WDR89: variants seen among roughly 807,000 people sequenced by gnomAD.
The protein encoded by WDR89 is WD repeat domain 89.
In WDR89, 17 loss-of-function variants were observed where a neutral mutation model predicts 29.1. That is an observed-to-expected ratio of 0.58 (90% CI 0.40 to 0.88). WDR89 has a LOEUF of 0.88. WDR89 is among the 40% of genes least tolerant of loss of function. The pLI, the probability that WDR89 is intolerant of heterozygous loss-of-function variation, is 0.00. For missense variants in WDR89, 396 were observed against 456.3 expected (o/e 0.87, Z 1.20); for synonymous variants, 138 against 157.8 (o/e 0.87, Z 0.94).
chr14:63,632,127 C>A lies in WDR89; in HGVS notation c.-137-7094G>T, dbSNP rs1477679381. On this transcript the variant is annotated intron_variant, in intron 1 of 2. Coordinates refer to ENST00000620954, the MANE Select transcript of WDR89 (RefSeq NM_080666.4). Reference sequence around the variant, plus strand: ...ACTCTGCCTCAAAAAAACAAACAAACAAAAAAAAAACTAAAAACAAAAAAA... The same window carrying A: ...ACTCTGCCTCAAAAAAACAAACAAAAAAAAAAAAAACTAAAAACAAAAAAA... Among the ~76,000 whole-genome samples, 329 of 139,204 alleles carry A rather than the reference C, an allele frequency of 2.4e-3. 1 individual carries two copies. Among genetic ancestry groups the A allele is most frequent in the African/African-American group, 2.8e-3 (105 of 37,850 alleles). 91.3% of individuals were successfully genotyped at this position (139,204 alleles called of 152,430 possible).
chr14:63,605,109 AC>A (rs1010016476), intron 2 of WDR89, among the ~76,000 whole-genome samples: 6 of 151,742 alleles, frequency 4.0e-5, no homozygotes, highest in African/African-American at 1.5e-4. Flanking sequence ...TGATTGCACC[AC>A]TGCACTTCAG....
intron 1 of WDR89, among the ~76,000 whole-genome samples, chr14:63,639,816 G>A (rs550416417): frequency 5.3e-5 from 8 of 152,222 alleles, no homozygotes; most frequent in Non-Finnish European, 1.2e-4. Context: ...TAGTACAAAA[G>A]TACAACTCAA....
chr14:63,612,575 A>G (rs963380010), intron 2 of WDR89, among the ~76,000 whole-genome samples: 4 of 152,028 alleles, frequency 2.6e-5, no homozygotes, highest in African/African-American at 9.7e-5. Flanking sequence ...GGGTTTCGCC[A>G]TGTTGGCCAG....
Position 63,598,916 on chromosome 14 carries a change from C to T in WDR89, c.1027G>A (p.Ala343Thr). Residue 343 changes from alanine (A) to threonine (T), a missense_variant, in exon 3 of 3, where the codon GCA becomes ACA. Physicochemically the swap from Ala to Thr is moderately conservative, Grantham distance 58 (BLOSUM62 0). Coordinates refer to ENST00000620954, the MANE Select transcript of WDR89 (RefSeq NM_080666.4). Reference protein sequence around the residue: ...DDSLLTGGEDAQLLLWKPGAI... With the variant: ...DDSLLTGGEDTQLLLWKPGAI... ...CCAGGTTTCCAAAGTAACAACTGTG[C>T]ATCTTCTCCTCCAGTCAACAAAGAA... 1 of 1,614,186 alleles carries T rather than the reference C, an allele frequency of 6.2e-7. No individual in the cohort carries two copies. The highest frequency in any genetic ancestry group is 8.5e-7 in the Non-Finnish European group (1 of 1,180,020).
chr14:63,635,201 T>G (rs890941784), intron 1 of WDR89, among the ~76,000 whole-genome samples: 1 of 152,160 alleles, frequency 6.6e-6, no homozygotes, highest in African/African-American at 2.4e-5. Context: ...ACCAATATCC[T>G]TGATGAACAT....
At chr14:63,632,502 G>A (rs1247994521) in intron 1 of WDR89, among the ~76,000 whole-genome samples, 6 of 151,876 alleles carry the variant, frequency 4.0e-5, no homozygotes, top group South Asian at 4.2e-4. Flanking sequence ...GCATGGTGGC[G>A]CAAACCTGTA....
At chr14:63,611,079 C>A (rs889551498) in intron 2 of WDR89, among the ~76,000 whole-genome samples, 2 of 151,964 alleles carry the variant, frequency 1.3e-5, no homozygotes, top group Non-Finnish European at 2.9e-5. Flanking sequence ...TGGCTCATGC[C>A]TGCAATCCTA....
chr14:63,602,300 C>T (rs1395159099), intron 2 of WDR89, among the ~76,000 whole-genome samples: 2 of 151,842 alleles, frequency 1.3e-5, no homozygotes, highest in African/African-American at 2.4e-5. Flanking sequence ...GGTAAAACCC[C>T]GTCTCTACTA....
At chr14:63,601,420 G>C in intron 2 of WDR89, 1 of 827,924 alleles carries the variant, frequency 1.2e-6, no homozygotes, top group Non-Finnish European at 2.0e-6. Context: ...TGTAGGACAA[G>C]TTCAAGGCCA....
At chr14:63,599,998 A>G in intron 2 of WDR89, 25 bp from the exon 3 acceptor site, 1 of 1,266,220 alleles carries the variant, frequency 7.9e-7, no homozygotes, top group Non-Finnish European at 1.0e-6. Context: ...AATAATAAAA[A>G]TAAAAATTAA....
intron 2 of WDR89, among the ~76,000 whole-genome samples, chr14:63,609,601 C>A (rs1881819279): frequency 6.6e-6 from 1 of 152,068 alleles, no homozygotes; most frequent in South Asian, 2.1e-4. Flanking sequence ...ACCAGCCTGG[C>A]CAACATGGTG....
chr14:63,614,278 AT>A (rs1230644981), intron 2 of WDR89, among the ~76,000 whole-genome samples: 13 of 151,448 alleles, frequency 8.6e-5, no homozygotes, highest in African/African-American at 3.2e-4. Context: ...GTAGCTTAAT[AT>A]TTATCAGGCA....
intron 2 of WDR89, chr14:63,601,445 C>A: frequency 5.1e-6 from 5 of 983,930 alleles, no homozygotes; most frequent in Admixed American, 4.1e-5. Flanking sequence ...AACATGCATG[C>A]CTAGTAACAC....
At chr14:63,620,435 A>G (rs1228476945) in intron 2 of WDR89, among the ~76,000 whole-genome samples, 5 of 152,222 alleles carry the variant, frequency 3.3e-5, no homozygotes, top group African/African-American at 1.2e-4. Context: ...GGAAGCAGAC[A>G]GTAGATAGGT....
intron 1 of WDR89, among the ~76,000 whole-genome samples, chr14:63,626,391 C>A (rs1883048522): frequency 1.3e-5 from 2 of 151,928 alleles, no homozygotes; most frequent in African/African-American, 4.8e-5. Flanking sequence ...TCAACCTCAG[C>A]CGGGCGTGGT....
chr14:63,600,107 A>C (rs957554582), intron 2 of WDR89, 134 bp from the exon 3 acceptor site: 2 of 467,004 alleles, frequency 4.3e-6, no homozygotes, highest in African/African-American at 4.0e-5. Context: ...GCATGAATCA[A>C]TCAATCAACA....
At chr14:63,615,800 T>C (rs1882266132) in intron 2 of WDR89, among the ~76,000 whole-genome samples, 1 of 152,084 alleles carries the variant, frequency 6.6e-6, no homozygotes, top group East Asian at 1.9e-4. Context: ...AGTGTGTGTC[T>C]GTACTCCCAG....
chr14:63,618,344 G>A (rs1223972130), intron 2 of WDR89, among the ~76,000 whole-genome samples: 2 of 152,034 alleles, frequency 1.3e-5, no homozygotes, highest in East Asian at 3.9e-4. Context: ...TATAAGAGAT[G>A]GGGTTTTGCC....
chr14:63,618,981 C>A (rs772168171), intron 2 of WDR89, among the ~76,000 whole-genome samples: 56 of 152,216 alleles, frequency 3.7e-4, no homozygotes, highest in Admixed American at 7.9e-4. Context: ...AAATGTGGGT[C>A]TAGGTCAAGT....
Sources: allele counts gnomAD v4.1 joint callset (sites outside exome capture counted in the v4.1 genomes callset), GRCh38; gene constraint gnomAD v4.1.1; transcripts MANE v1.5; gene names NCBI Gene and HGNC (gene_info 2026-07-23, HGNC 2026-07-21).